NDC1: variants seen among roughly 807,000 people sequenced by gnomAD.
The protein encoded by NDC1 is nucleoporin NDC1.
NDC1 carries 24 observed loss-of-function variants against 89.8 expected under a neutral mutation model. That is an observed-to-expected ratio of 0.27 (90% CI 0.19 to 0.38). The LOEUF (loss-of-function observed/expected upper bound fraction) is 0.38, where lower values mean the gene tolerates loss of function less well. Ranked by LOEUF, NDC1 falls within the 10% of genes least tolerant of loss-of-function variation. NDC1 has a pLI of 1.00. For synonymous variants in NDC1, 296 were observed against 284.8 expected, an observed-to-expected ratio of 1.04 and a Z score of -0.39; for missense variants, 728 against 797.6, an observed-to-expected ratio of 0.91 and a Z score of 1.05.
intron 3 of NDC1, among the ~76,000 whole-genome samples, chr1:53,828,415 T>C (rs1314963880): frequency 2.0e-5 from 3 of 152,080 alleles, no homozygotes; most frequent in Non-Finnish European, 4.4e-5. Context: ...AAGGACAGCA[T>C]GATCAACATT....
At chr1:53,824,026 C>A (rs12088811) in intron 5 of NDC1, among the ~76,000 whole-genome samples, 10,145 of 151,280 alleles carry the variant, frequency 0.067, 1,024 homozygotes, top group African/African-American at 0.22. Context: ...TCGTTTGAGT[C>A]CAGGAGTCAG....
intron 6 of NDC1, among the ~76,000 whole-genome samples, chr1:53,818,711 AG>A (rs557099870): frequency 1.6e-3 from 247 of 152,322 alleles, no homozygotes; most frequent in African/African-American, 5.9e-3. Context: ...AATGTCCTCA[AG>A]GTTTATTCAA....
rs768979369 is a variant in NDC1 at position 53,835,520 on chromosome 1, T to C, written c.158A>G (p.His53Arg). 11 of 1,613,558 alleles carry C rather than the reference T, an allele frequency of 6.8e-6. No individual in the cohort carries two copies. The South Asian group carries it at 7.7e-5, about 11-fold the overall frequency. ...FIIFSRIDLF[H>R]PIQWLSDSFS... ...CCTACCAGACAGCCACTGTATAGGATGAAACAAATCAATCCTGCTGAAAAT... is the reference window on the plus strand; with the variant it reads ...CCTACCAGACAGCCACTGTATAGGACGAAACAAATCAATCCTGCTGAAAAT... Residue 53 changes from histidine to arginine, a missense_variant, in exon 2 of 18, where the codon CAT becomes CGT. Transcript: ENST00000371429.
At chr1:53,817,180 A>G (rs1648511198) in intron 6 of NDC1, among the ~76,000 whole-genome samples, 1 of 152,230 alleles carries the variant, frequency 6.6e-6, no homozygotes, top group South Asian at 2.1e-4. Flanking sequence ...CAAAAAGGAT[A>G]CTTGCACACA....
chr1:53,810,320 T>G (rs1373979023), intron 6 of NDC1, among the ~76,000 whole-genome samples: 1 of 151,012 alleles, frequency 6.6e-6, no homozygotes, highest in African/African-American at 2.4e-5. Flanking sequence ...TTGCGCATAC[T>G]AAAAGGGGAA....
chr1:53,811,978 C>T (rs879523955), intron 6 of NDC1, among the ~76,000 whole-genome samples: 5 of 152,148 alleles, frequency 3.3e-5, no homozygotes, highest in Non-Finnish European at 7.3e-5. Context: ...CAGGCAGACT[C>T]GCTGGGTGGC....
chr1:53,789,872 G>A (rs1303366668), intron 14 of NDC1, among the ~76,000 whole-genome samples: 1 of 151,832 alleles, frequency 6.6e-6, no homozygotes. Context: ...GGGAGGCCGA[G>A]GTGGGTAGAT....
chr1:53,831,443 C>T (rs762238676), intron 3 of NDC1, among the ~76,000 whole-genome samples: 2 of 151,518 alleles, frequency 1.3e-5, no homozygotes, highest in East Asian at 2.0e-4. Flanking sequence ...CTTGGGAGGC[C>T]GAGGGCAGAT....
chr1:53,832,632 C>A, intron 2 of NDC1, 41 bp from the exon 3 acceptor site: 2 of 1,023,174 alleles, frequency 2.0e-6, no homozygotes, highest in South Asian at 2.7e-5. Context: ...GTTATTCAGT[C>A]ATGTAGTCAC....
intron 16 of NDC1, among the ~76,000 whole-genome samples, chr1:53,779,079 T>C (rs1275953743): frequency 6.9e-6 from 1 of 145,606 alleles, no homozygotes; most frequent in Non-Finnish European, 1.5e-5. Flanking sequence ...GCGTGTGAAG[T>C]TGCAGTGACC....
intron 16 of NDC1, among the ~76,000 whole-genome samples, chr1:53,775,474 G>A (rs1647154964): frequency 6.6e-6 from 1 of 152,026 alleles, no homozygotes; most frequent in African/African-American, 2.4e-5. Context: ...GGCCAGGCTG[G>A]TTTTGAACTC....
At position 53,838,263 on chromosome 1, in the gene NDC1, G is replaced by A; in HGVS notation, c.-2C>T. The A allele has an allele frequency of 6.5e-7, 1 of 1,537,268 alleles. No homozygotes were observed. The highest frequency in any genetic ancestry group is 8.7e-7 in the Non-Finnish European group (1 of 1,145,516). ...GGGCCGGCTCACGGCCGTGGCCATG[G>A]AGATGGCGGCCCCTAGTCTAGGGCG... On this transcript the variant is annotated 5_prime_UTR_variant, in exon 1 of 18. Transcript: ENST00000371429.
chr1:53,825,197 T>C (rs1056302813), intron 5 of NDC1, among the ~76,000 whole-genome samples: 28 of 151,104 alleles, frequency 1.9e-4, no homozygotes, highest in Non-Finnish European at 8.8e-5. Flanking sequence ...GAGCAGCGGC[T>C]GGGCGTGGTG....
In NDC1 at chr1:53,803,915, CT is replaced by C. The variant is rs1464746011; in HGVS notation, c.1066+12del. On this transcript the variant is annotated intron_variant, in intron 10 of 17. Coordinates refer to ENST00000371429, the MANE Select transcript of NDC1 (RefSeq NM_018087.5). The stretch of plus-strand genomic sequence containing the variant: ...CACATATGCCTAATCAAGTCTATTA[CT>C]TTTAGCAATACCTGGTTGGCTGAGG... The C allele has an allele frequency of 1.3e-5, 20 of 1,596,854 alleles. No homozygotes were observed. Among genetic ancestry groups the C allele is most frequent in the Non-Finnish European group, 1.6e-5 (19 of 1,164,578 alleles).
intron 3 of NDC1, among the ~76,000 whole-genome samples, chr1:53,831,684 G>T (rs1308526766): frequency 6.6e-6 from 1 of 150,714 alleles, no homozygotes; most frequent in Admixed American, 6.6e-5. Flanking sequence ...AAAAAAAAAA[G>T]GAAAATGATG....
chr1:53,824,117 C>T (rs939573653), intron 5 of NDC1, among the ~76,000 whole-genome samples: 11 of 151,270 alleles, frequency 7.3e-5, no homozygotes, highest in African/African-American at 2.4e-5. Flanking sequence ...GCCAGTAGCC[C>T]CAGCTACTCA....
At chr1:53,826,020 C>T in intron 4 of NDC1, 84 bp from the exon 5 acceptor site, 1 of 1,337,276 alleles carries the variant, frequency 7.5e-7, no homozygotes, top group Non-Finnish European at 1.0e-6. Context: ...GAAGGCAAAG[C>T]TTAATTACTT....
chr1:53,775,697 T>C (rs1647157015), intron 16 of NDC1, among the ~76,000 whole-genome samples: 1 of 152,184 alleles, frequency 6.6e-6, no homozygotes, highest in Admixed American at 6.5e-5. Flanking sequence ...CCTTACAAAT[T>C]GTATAAAGCA....
chr1:53,809,572 C>T, intron 7 of NDC1, 123 bp downstream of exon 7: 1 of 679,394 alleles, frequency 1.5e-6, no homozygotes, highest in Non-Finnish European at 2.5e-6. Context: ...TATATGTATT[C>T]AAAAATGAAT....
Sources: gnomAD v4.1 joint callset for allele counts (sites outside exome capture counted in the v4.1 genomes callset) on GRCh38, gnomAD v4.1.1 for gene constraint, MANE v1.5 for transcripts, NCBI Gene and HGNC (gene_info 2026-07-23, HGNC 2026-07-21) for gene names.